The following HERC4 variants were observed in gnomAD, a reference collection of about 807,000 sequenced individuals.
HERC4 encodes HECT and RLD domain containing E3 ubiquitin protein ligase 4.
A neutral mutation model predicts 124.3 loss-of-function variants in HERC4; 28 were observed. The ratio of observed to expected loss-of-function variants is 0.23; its 90% CI spans 0.17 to 0.31. The LOEUF (loss-of-function observed/expected upper bound fraction) is 0.31. Among genes scored for constraint, HERC4 ranks in the 10% least tolerant of loss-of-function variants. HERC4 has a pLI of 1.00. For synonymous variants in HERC4, 407 were observed against 421.5 expected, an observed-to-expected ratio of 0.97 and a Z score of 0.42; for missense variants, 713 against 1,229.3, an observed-to-expected ratio of 0.58 and a Z score of 6.28.
intron 7 of HERC4, among the ~76,000 whole-genome samples, chr10:68,027,723 G>A (rs2038976023): frequency 6.6e-6 from 1 of 152,016 alleles, no homozygotes; most frequent in Non-Finnish European, 1.5e-5. Context: ...AGGAGATCAA[G>A]GCCATCCTGG....
rs747724991 is a variant in HERC4, at chr10:67,925,106, C to T, written c.2920G>A (p.Glu974Lys). 1.9e-6 allele frequency: 3 copies of T among 1,590,554 alleles called. No individual in the cohort carries two copies. In the South Asian group the frequency reaches 3.3e-5, roughly 18 times the overall value. ...TTACACAGAAACTGTTTCTTCTTTTCCAATGGTAATTCGTGAAATACTTCC... is the reference window on the plus strand; with the variant it reads ...TTACACAGAAACTGTTTCTTCTTTTTCAATGGTAATTCGTGAAATACTTCC... ...FWEVFHELPL[E>K]KKKQFLLFLT... Residue 974 changes from glutamate to lysine, a missense_variant, in exon 24 of 25, where the codon GAA (glutamate) becomes AAA (lysine). Transcript: ENST00000373700.
Position 68,039,454 on chromosome 10 carries a change from C to A in HERC4, c.387-1285G>T, listed in dbSNP as rs1303816803. On this transcript the variant is annotated intron_variant, in intron 4 of 24. Transcript: ENST00000373700. ...TAAGAGAGTCCGGAGCAAATTCTGACCAGAGAGTCGACACACATGATTTTC... is the reference window on the plus strand; with the variant it reads ...TAAGAGAGTCCGGAGCAAATTCTGAACAGAGAGTCGACACACATGATTTTC... 5.2e-6 allele frequency: 8 copies of A among 1,550,674 alleles called. No homozygotes were observed. The East Asian group carries it at 1.7e-4, about 33-fold the overall frequency.
At chr10:67,964,133 GT>G (rs2034707591) in intron 16 of HERC4, among the ~76,000 whole-genome samples, 1 of 124,540 alleles carries the variant, frequency 8.0e-6, no homozygotes, top group Non-Finnish European at 1.6e-5. Context: ...GCAGAACTTC[GT>G]CAAAGTATTG....
intron 3 of HERC4, among the ~76,000 whole-genome samples, chr10:68,066,871 T>A (rs909716138): frequency 6.6e-6 from 1 of 152,190 alleles, no homozygotes; most frequent in Non-Finnish European, 1.5e-5. Context: ...GTAAGCATCT[T>A]GGTAAAATAA....
chr10:68,003,292 T>A (rs1040111722), intron 9 of HERC4, among the ~76,000 whole-genome samples: 1 of 151,666 alleles, frequency 6.6e-6, no homozygotes, highest in Admixed American at 6.6e-5. Flanking sequence ...TAGCTGGGAC[T>A]ACAGGCCTGC....
intron 3 of HERC4, among the ~76,000 whole-genome samples, chr10:68,051,115 A>C (rs1160118374): frequency 1.3e-5 from 2 of 151,500 alleles, no homozygotes; most frequent in Non-Finnish European, 2.9e-5. Context: ...AAAAAAAAAA[A>C]ACAAAGAAAA....
At chr10:67,953,674 A>G (rs1277572998) in intron 19 of HERC4, among the ~76,000 whole-genome samples, 1 of 152,192 alleles carries the variant, frequency 6.6e-6, no homozygotes, top group Non-Finnish European at 1.5e-5. Flanking sequence ...AACACAAAAA[A>G]TGAATTATTA....
intron 3 of HERC4, chr10:68,069,780 C>T (rs539042405): frequency 4.7e-5 from 46 of 983,424 alleles, no homozygotes; most frequent in South Asian, 1.9e-4. Context: ...CGGTGGCTCA[C>T]GCCTGTAATC....
rs138960073 is a variant in HERC4, at chr10:68,063,240, C to T, written c.226+9643G>A. ...TTATTTATTTTTTTAGTTGGAGTCTCGCTCTGTAACCCAGGCTAGAGTGCA... is the reference window on the plus strand; with the variant it reads ...TTATTTATTTTTTTAGTTGGAGTCTTGCTCTGTAACCCAGGCTAGAGTGCA... On this transcript the variant is annotated intron_variant, in intron 3 of 24. Transcript: ENST00000373700. Among the ~76,000 whole-genome samples, 925 of 152,126 alleles carry T rather than the reference C, an allele frequency of 6.1e-3. 13 individuals carry two copies. Among genetic ancestry groups the T allele is most frequent in the African/African-American group, 0.021 (861 of 41,500 alleles).
intron 23 of HERC4, among the ~76,000 whole-genome samples, chr10:67,925,417 A>G (rs1213947594): frequency 6.6e-6 from 1 of 152,172 alleles, no homozygotes; most frequent in African/African-American, 2.4e-5. Flanking sequence ...GGATCATACT[A>G]TCATCTTCAA....
chr10:68,053,247 A>AC (rs2040402169), intron 3 of HERC4, among the ~76,000 whole-genome samples: 1 of 152,072 alleles, frequency 6.6e-6, no homozygotes, highest in Non-Finnish European at 1.5e-5. Context: ...ATAAATACAT[A>AC]ATCTCGTTTT....
At chr10:67,956,777 G>T in intron 17 of HERC4, 101 bp downstream of exon 17, 1 of 627,712 alleles carries the variant, frequency 1.6e-6, no homozygotes, top group Non-Finnish European at 2.7e-6. Flanking sequence ...AAAGTACTTT[G>T]TGTACCTTCA....
Position 67,992,219 on chromosome 10 carries a change from C to T in HERC4, c.1251G>A (p.Arg417=), listed in dbSNP as rs142231582. The T allele has an allele frequency of 5.6e-5, 91 of 1,613,818 alleles. No homozygotes were observed. The highest frequency in any genetic ancestry group is 3.3e-4 in the Middle Eastern group (2 of 6,042). Residue 417 remains arginine, a synonymous_variant, in exon 11 of 25, where the codon AGG becomes AGA. Coordinates refer to ENST00000373700, the MANE Select transcript of HERC4 (RefSeq NM_015601.4). ...CTTACTTGGCTATCTCCACAGGAAACCTTCCAGAAGGATAGCTCAGCCATT... is the reference window on the plus strand; with the variant it reads ...CTTACTTGGCTATCTCCACAGGAAATCTTCCAGAAGGATAGCTCAGCCATT... ...IQKWLSYPSG[R]FPVEIANEID... is the part of the protein sequence containing the mutation.
chr10:68,010,214 T>C, intron 9 of HERC4: 2 of 1,074,502 alleles, frequency 1.9e-6, no homozygotes, highest in Non-Finnish European at 2.8e-6. Flanking sequence ...TCAGTTTGAA[T>C]GCATGGGAGA....
At chr10:67,925,713 T>TAA (rs900440809) in intron 23 of HERC4, among the ~76,000 whole-genome samples, 1 of 145,348 alleles carries the variant, frequency 6.9e-6, no homozygotes, top group Non-Finnish European at 1.5e-5. Flanking sequence ...GACTAAATCA[T>TAA]AAAAAAAAAA....
intron 8 of HERC4, among the ~76,000 whole-genome samples, chr10:68,016,703 C>T (rs571479926): frequency 2.6e-4 from 40 of 152,258 alleles, no homozygotes; most frequent in African/African-American, 8.7e-4. Context: ...GATCAAAATA[C>T]CAGATACCTA....
At chr10:67,950,726 C>T (rs981476985) in intron 19 of HERC4, among the ~76,000 whole-genome samples, 7 of 152,182 alleles carry the variant, frequency 4.6e-5, no homozygotes, top group African/African-American at 1.4e-4. Flanking sequence ...TTTGATTTCA[C>T]GGTCTTCAAC....
intron 4 of HERC4, chr10:68,040,375 G>T: frequency 1.1e-6 from 1 of 948,066 alleles, no homozygotes; most frequent in Non-Finnish European, 1.3e-6. Context: ...TAAAGAATGG[G>T]GGATATTGGC....
Position 67,923,034 on chromosome 10 carries a change from G to A in HERC4, c.3047C>T (p.Thr1016Ile). 6.2e-7 allele frequency: 1 copy of A among 1,613,510 alleles called. No individual in the cohort carries two copies. Among genetic ancestry groups the A allele is most frequent in the Non-Finnish European group, 8.5e-7 (1 of 1,179,426 alleles). The change falls in exon 25 of 25, where the codon ACT becomes ATT. Residue 1016 changes from threonine (T) to isoleucine (I), a missense_variant. Coordinates refer to ENST00000373700, the MANE Select transcript of HERC4 (RefSeq NM_015601.4). ...TGGAAGATCCAGAAGATTAAAACAA[G>A]TATGGGAAACTGGGAGATACTCCTC... ...GGEEYLPVSH[T>I]CFNLLDLPKY...
Sources: gnomAD v4.1 joint callset for allele counts (sites outside exome capture counted in the v4.1 genomes callset) on GRCh38, gnomAD v4.1.1 for gene constraint, MANE v1.5 for transcripts, NCBI Gene and HGNC (gene_info 2026-07-23, HGNC 2026-07-21) for gene names.